MAP4K4: variants seen among roughly 807,000 people sequenced by gnomAD.
MAP4K4 encodes the protein HPK/GCK-like kinase HGK.
Under a neutral mutation model 189.6 loss-of-function variants are expected in MAP4K4, and 38 were observed. The ratio of observed to expected loss-of-function variants is 0.20; its 90% CI spans 0.15 to 0.26. MAP4K4 has a LOEUF of 0.26. Ranked by LOEUF, MAP4K4 falls within the 10% of genes least tolerant of loss-of-function variation. The pLI is 1.00. For missense variants in MAP4K4, 1,054 were observed against 1,726.9 expected, an observed-to-expected ratio of 0.61 and a Z score of 6.91; for synonymous variants, 610 against 624.3, an observed-to-expected ratio of 0.98 and a Z score of 0.34.
intron 6 of MAP4K4, among the ~76,000 whole-genome samples, chr2:101,829,983 C>T (rs1025134643): frequency 3.9e-5 from 6 of 152,316 alleles, no homozygotes; most frequent in African/African-American, 1.2e-4. Flanking sequence ...CTTTACTTCT[C>T]TCTTCATCAG....
At position 101,807,289 on chromosome 2, in the gene MAP4K4, G is replaced by A. The variant is rs75715361; in HGVS notation, c.180+16513G>A. ...CCCAGGCTAGTCTCAAAACTCCTGG[G>A]CTCAAGGGCTCACGCAGTCCTCCTG... is the stretch of plus-strand genomic sequence containing the variant. On this transcript the variant is annotated intron_variant, in intron 3 of 32. Transcript: ENST00000324219. Among the ~76,000 whole-genome samples, 29 of 152,064 alleles carry A rather than the reference G, an allele frequency of 1.9e-4. 1 individual carries two copies. The East Asian group carries it at 5.6e-3, about 29-fold the overall frequency.
intron 5 of MAP4K4, among the ~76,000 whole-genome samples, chr2:101,826,300 A>T (rs550573126): frequency 6.6e-6 from 1 of 152,180 alleles, no homozygotes; most frequent in African/African-American, 2.4e-5. Flanking sequence ...TTTAAGATTC[A>T]TAGAGGATTG....
At chr2:101,860,076 G>GC in intron 15 of MAP4K4, 1 of 597,128 alleles carries the variant, frequency 1.7e-6, no homozygotes, top group Non-Finnish European at 3.0e-6. Flanking sequence ...AAGGACCAGA[G>GC]TGCCTCAGTT....
intron 6 of MAP4K4, 169 bp downstream of exon 6, chr2:101,829,763 C>T (rs2096534596): frequency 1.8e-6 from 1 of 554,342 alleles, no homozygotes; most frequent in South Asian, 2.1e-5. Context: ...GCTCCAGCCT[C>T]CCCACTTCCA....
intron 2 of MAP4K4, among the ~76,000 whole-genome samples, chr2:101,703,746 G>T (rs188683390): frequency 4.6e-5 from 7 of 151,938 alleles, no homozygotes; most frequent in Admixed American, 1.3e-4. Flanking sequence ...GGGCACGGTG[G>T]CTCACACCTG....
intron 29 of MAP4K4, among the ~76,000 whole-genome samples, chr2:101,886,037 G>T (rs1248557987): frequency 6.6e-6 from 1 of 152,006 alleles, no homozygotes; most frequent in African/African-American, 2.4e-5. Context: ...TGTGTTTTTG[G>T]ATTGCTTACT....
chr2:101,723,813 G>A (rs1314148269), intron 2 of MAP4K4, among the ~76,000 whole-genome samples: 2 of 152,168 alleles, frequency 1.3e-5, no homozygotes, highest in Non-Finnish European at 2.9e-5. Flanking sequence ...GAGATTTTAG[G>A]TTAACTAGTG....
intron 3 of MAP4K4, among the ~76,000 whole-genome samples, chr2:101,822,337 A>G (rs1484861388): frequency 6.6e-6 from 1 of 152,178 alleles, no homozygotes; most frequent in African/African-American, 2.4e-5. Context: ...TTATGGGTTC[A>G]CTGTTGTATT....
At chr2:101,763,980 G>C (rs1575136584) in intron 2 of MAP4K4, among the ~76,000 whole-genome samples, 1 of 152,080 alleles carries the variant, frequency 6.6e-6, no homozygotes, top group South Asian at 2.1e-4. Flanking sequence ...TTTTGCCTGA[G>C]AAATAGGAAT....
At chr2:101,742,451 C>T (rs765140520) in intron 2 of MAP4K4, among the ~76,000 whole-genome samples, 2 of 152,256 alleles carry the variant, frequency 1.3e-5, no homozygotes, top group South Asian at 2.1e-4. Flanking sequence ...CCTGTGTGCC[C>T]GCCCTTAGCT....
At chr2:101,860,939 A>G in exon 16 of MAP4K4, 1 of 1,605,096 alleles carries the variant, frequency 6.2e-7, no homozygotes, top group Non-Finnish European at 8.5e-7. Context: ...TTCCAATGGC[A>G]ACTCCGAGTC....
At chr2:101,762,156 G>A (rs1371156548) in intron 2 of MAP4K4, among the ~76,000 whole-genome samples, 1 of 152,204 alleles carries the variant, frequency 6.6e-6, no homozygotes, top group Non-Finnish European at 1.5e-5. Context: ...CATTCAGTAG[G>A]TGGTGTTTCT....
At chr2:101,815,660 T>C (rs1465262179) in intron 3 of MAP4K4, among the ~76,000 whole-genome samples, 1 of 152,236 alleles carries the variant, frequency 6.6e-6, no homozygotes, top group Non-Finnish European at 1.5e-5. Context: ...ACCTTTGTTC[T>C]GGGATGAAGG....
At chr2:101,859,897 C>T (rs2097583727) in intron 15 of MAP4K4, 33 bp downstream of exon 15, 2 of 1,560,106 alleles carry the variant, frequency 1.3e-6, no homozygotes, top group Middle Eastern at 1.7e-4. Context: ...TAGACATTGC[C>T]CTGGAAAGTC....
chr2:101,834,489 CTCACTTGT>C (rs1559123798), intron 8 of MAP4K4, 26 bp downstream of exon 8: 1 of 1,583,602 alleles, frequency 6.3e-7, no homozygotes, highest in Admixed American at 1.8e-5. Flanking sequence ...TTCTTTTTAG[CTCACTTGT>C]TACATGTGAC....
At chr2:101,788,781 A>G (rs2092256422) in intron 2 of MAP4K4, among the ~76,000 whole-genome samples, 1 of 152,180 alleles carries the variant, frequency 6.6e-6, no homozygotes, top group Admixed American at 6.5e-5. Context: ...TCTTGAGGAT[A>G]CACACTTGTG....
intron 2 of MAP4K4, among the ~76,000 whole-genome samples, chr2:101,778,460 A>G (rs2085481355): frequency 6.6e-6 from 1 of 151,234 alleles, no homozygotes; most frequent in Admixed American, 6.6e-5. Context: ...CACCACACAC[A>G]GGGTGGACAG....
intron 2 of MAP4K4, among the ~76,000 whole-genome samples, chr2:101,724,669 A>G (rs2054212008): frequency 6.6e-6 from 1 of 152,208 alleles, no homozygotes; most frequent in Admixed American, 6.5e-5. Context: ...TTTAGAACTT[A>G]AGGAATATGT....
At position 101,864,071 on chromosome 2, in the gene MAP4K4, A is replaced by T. The variant is rs1276156343; in HGVS notation, c.2097+20A>T. The T allele has an allele frequency of 7.9e-7, 1 of 1,259,988 alleles. No homozygotes were observed. 78.1% of individuals were successfully genotyped at this position (1,259,988 alleles called of 1,614,324 possible). On this transcript the variant is annotated intron_variant, in intron 17 of 32. Transcript: ENST00000324219. ...CCAAGGGTAAGGAGCAGAAAGACAG[A>T]TGTGTGCTGCTTTTTTCCTTTTTGT... is the stretch of plus-strand genomic sequence containing the variant.
Sources: gnomAD v4.1 joint callset for allele counts (sites outside exome capture counted in the v4.1 genomes callset) on GRCh38, gnomAD v4.1.1 for gene constraint, MANE v1.5 for transcripts, NCBI Gene and HGNC (gene_info 2026-07-23, HGNC 2026-07-21) for gene names.